Variants in GLIS3 observed in about 807,000 individuals in gnomAD.
The protein encoded by GLIS3 is GLIS family zinc finger 3.
GLIS3 carries 53 observed loss-of-function variants against 78.6 expected under a neutral mutation model. That is an observed-to-expected ratio of 0.67 (90% CI 0.54 to 0.85). The LOEUF (loss-of-function observed/expected upper bound fraction) is 0.85, where lower values mean the gene tolerates loss of function less well. GLIS3 is among the 40% of genes least tolerant of loss of function. The pLI, the probability that GLIS3 is intolerant of heterozygous loss-of-function variation, is 0.00. For missense variants in GLIS3, 1,703 were observed against 1,231.1 expected (o/e 1.38, Z -5.74); for synonymous variants, 684 against 509.9 (o/e 1.34, Z -4.60).
In GLIS3 at chr9:4,117,802, C is replaced by T; in HGVS notation, c.1676G>A (p.Arg559Lys). Residue 559 changes from arginine to lysine, a missense_variant, in exon 4 of 11, where the codon AGA becomes AAA. Coordinates refer to ENST00000381971, the MANE Select transcript of GLIS3 (RefSeq NM_001042413.2). ...GTTGGGCTTCTCCCCAGAGTGGACT[C>T]TCATGTGGATCAGCAGTTTATAGCG... ...NARYKLLIHM[R>K]VHSGEKPNKC... The T allele has an allele frequency of 1.2e-6, 2 of 1,614,114 alleles. No individual in the cohort carries two copies. Among genetic ancestry groups the T allele is most frequent in the Non-Finnish European group, 1.7e-6 (2 of 1,180,038 alleles).
intron 4 of GLIS3, among the ~76,000 whole-genome samples, chr9:4,041,231 G>A (rs1020279892): frequency 8.5e-5 from 13 of 152,116 alleles, no homozygotes; most frequent in African/African-American, 3.1e-4. Flanking sequence ...AGATATCTTT[G>A]GTTGTTAAAA....
chr9:4,123,291 A>C (rs910149345), intron 3 of GLIS3, among the ~76,000 whole-genome samples: 7 of 152,230 alleles, frequency 4.6e-5, no homozygotes, highest in African/African-American at 1.7e-4. Flanking sequence ...ATGGTGTATT[A>C]GAAAACAGGC....
At chr9:4,420,551 A>C in the GLIS3 span, among the ~76,000 whole-genome samples, 1 of 152,130 alleles carries the variant, frequency 6.6e-6, no homozygotes, top group Non-Finnish European at 1.5e-5. Context: ...GGAATACCAG[A>C]GCATGTTTAC....
chr9:4,094,325 C>G (rs750074635), intron 4 of GLIS3, among the ~76,000 whole-genome samples: 1 of 152,158 alleles, frequency 6.6e-6, no homozygotes, highest in South Asian at 2.1e-4. Flanking sequence ...TCATATGTGG[C>G]TAGTGAGAGT....
At chr9:3,953,781 CTCTCTCTCTCTCTCTATA>C (rs1563886456) in intron 4 of GLIS3, among the ~76,000 whole-genome samples, 3 of 39,764 alleles carry the variant, frequency 7.5e-5, no homozygotes, top group Admixed American at 2.8e-4. Context: ...CTCTCTCTCT[CTCTCTCTCTCTCTCTATA>C]TATATATATA....
intron 1 of GLIS3, among the ~76,000 whole-genome samples, chr9:4,287,910 G>A (rs1416349349): frequency 2.0e-5 from 3 of 152,196 alleles, no homozygotes; most frequent in African/African-American, 7.2e-5. Flanking sequence ...ATAAAATGTA[G>A]AATGTTTTCT....
Position 3,856,823 on chromosome 9 carries a change from A to G in GLIS3, c.2298-639T>C, listed in dbSNP as rs138677650. On this transcript the variant is annotated intron_variant, in intron 8 of 10. Coordinates refer to ENST00000381971, the MANE Select transcript of GLIS3 (RefSeq NM_001042413.2). ...GTGTTCCTGAGGGTATGATAGGAAG[A>G]TGATGTAGGAGTCACATGCGCCAAT... Among the ~76,000 whole-genome samples, 19 of 152,274 alleles carry G rather than the reference A, an allele frequency of 1.2e-4. No individual in the cohort carries two copies. The East Asian group carries it at 3.7e-3, about 29-fold the overall frequency.
chr9:3,996,230 A>G (rs1464741180), intron 4 of GLIS3, among the ~76,000 whole-genome samples: 1 of 152,184 alleles, frequency 6.6e-6, no homozygotes, highest in Admixed American at 6.5e-5. Flanking sequence ...ACAGATCCTC[A>G]CTAAAGGAAC....
chr9:4,213,824 A>G (rs1266888517), intron 2 of GLIS3, among the ~76,000 whole-genome samples: 2 of 152,178 alleles, frequency 1.3e-5, no homozygotes, highest in African/African-American at 2.4e-5. Context: ...TCAAGCATCT[A>G]TAATGGGCCT....
the GLIS3 span, among the ~76,000 whole-genome samples, chr9:4,413,813 A>G: frequency 7.9e-5 from 12 of 152,264 alleles, no homozygotes; most frequent in African/African-American, 2.6e-4. Context: ...AGCCAGTTTC[A>G]TTTTTCAAAT....
At chr9:4,462,640 C>G in the GLIS3 span, among the ~76,000 whole-genome samples, 1 of 109,740 alleles carries the variant, frequency 9.1e-6, no homozygotes, top group African/African-American at 3.5e-5. Context: ...CACAGACACG[C>G]ACACACACAC....
At chr9:4,202,588 A>G (rs1479538441) in intron 2 of GLIS3, among the ~76,000 whole-genome samples, 4 of 152,176 alleles carry the variant, frequency 2.6e-5, no homozygotes, top group Non-Finnish European at 5.9e-5. Context: ...GCTACGGTAA[A>G]CAAAATCGCA....
the GLIS3 span, among the ~76,000 whole-genome samples, chr9:4,370,682 G>A: frequency 6.6e-6 from 1 of 150,622 alleles, no homozygotes; most frequent in East Asian, 1.9e-4. Flanking sequence ...ATAATAGAGT[G>A]TATTTTATAT....
intron 4 of GLIS3, among the ~76,000 whole-genome samples, chr9:4,077,086 A>G (rs1407770470): frequency 1.4e-5 from 2 of 143,338 alleles, no homozygotes; most frequent in East Asian, 4.1e-4. Flanking sequence ...ATGATGTCCA[A>G]TTTTCTTCTT....
At chr9:4,450,954 T>C in the GLIS3 span, among the ~76,000 whole-genome samples, 1 of 152,220 alleles carries the variant, frequency 6.6e-6, no homozygotes, top group Admixed American at 6.5e-5. Flanking sequence ...ACGGGTAAAA[T>C]AACCAGCTAA....
chr9:4,314,322 C>T (rs1459993773), intron 2 of GLIS3, among the ~76,000 whole-genome samples: 3 of 152,248 alleles, frequency 2.0e-5, no homozygotes, highest in African/African-American at 4.8e-5. Context: ...TCCCAGGCTG[C>T]ATGTCTTGGC....
rs976743877 is a variant in GLIS3 at position 4,220,689 on chromosome 9, G to A, written c.388+65349C>T. ...AGTAGGGTTGAGCCAGGAGCCAGGG[G>A]TTCAAGGCCAGCCAGTGCAACATAA... On this transcript the variant is annotated intron_variant, in intron 2 of 10. Transcript: ENST00000381971. Among the ~76,000 whole-genome samples the A allele has an allele frequency of 4.0e-5, 6 of 151,470 alleles. No individual in the cohort carries two copies. In the South Asian group the frequency reaches 8.4e-4, roughly 21 times the overall value.
chr9:4,109,474 T>A (rs945414806), intron 4 of GLIS3, among the ~76,000 whole-genome samples: 1 of 152,204 alleles, frequency 6.6e-6, no homozygotes, highest in African/African-American at 2.4e-5. Context: ...AGCTGATCAC[T>A]TGGCATAAGA....
At chr9:3,954,831 A>G (rs1006116760) in intron 4 of GLIS3, among the ~76,000 whole-genome samples, 8 of 152,230 alleles carry the variant, frequency 5.3e-5, no homozygotes, top group African/African-American at 1.4e-4. Flanking sequence ...TAATGAGAAT[A>G]AAGTAAAAGA....
Sources: gnomAD v4.1 joint callset for allele counts (sites outside exome capture counted in the v4.1 genomes callset) on GRCh38, gnomAD v4.1.1 for gene constraint, MANE v1.5 for transcripts, NCBI Gene and HGNC (gene_info 2026-07-23, HGNC 2026-07-21) for gene names.